Variants in SLC8A1 observed in about 807,000 individuals in gnomAD.
The protein encoded by SLC8A1 is sodium/calcium exchanger 1.
Under a neutral mutation model 68.3 loss-of-function variants are expected in SLC8A1, and 18 were observed. That is an observed-to-expected ratio of 0.26 (90% CI 0.18 to 0.39). SLC8A1 has a LOEUF of 0.39. SLC8A1 is among the 10% of genes least tolerant of loss of function. The pLI, the probability that SLC8A1 is intolerant of heterozygous loss-of-function variation, is 1.00. For synonymous variants in SLC8A1, 475 were observed against 415.5 expected (o/e 1.14, Z -1.74); for missense variants, 985 against 1,156.7 (o/e 0.85, Z 2.15).
At chr2:40,389,627 C>T (rs1002733064) in intron 2 of SLC8A1, among the ~76,000 whole-genome samples, 17 of 151,830 alleles carry the variant, frequency 1.1e-4, no homozygotes, top group Non-Finnish European at 1.5e-5. Flanking sequence ...CTGAATGAGC[C>T]ACGAAAATTA....
intron 7 of SLC8A1, among the ~76,000 whole-genome samples, chr2:40,130,757 AATTAAAT>A (rs2039157401): frequency 6.6e-6 from 1 of 152,208 alleles, no homozygotes; most frequent in Admixed American, 6.5e-5. Flanking sequence ...GTAGCCATCC[AATTAAAT>A]ATGTATGCAC....
chr2:40,143,105 A>G lies in SLC8A1; in HGVS notation c.2162-3429T>C, dbSNP rs1406608064. Among the ~76,000 whole-genome samples the G allele has an allele frequency of 2.0e-5, 3 of 152,150 alleles. No homozygotes were observed. The East Asian group carries it at 5.8e-4, about 29-fold the overall frequency. On this transcript the variant is annotated intron_variant, in intron 6 of 7. Transcript: ENST00000406785. ...ACATTTGAAAGGAAAGTGGCCTCCC[A>G]TCCTTTTCTCTGGGATCTCACTGCT...
chr2:40,383,926 C>A (rs1490710797), intron 2 of SLC8A1, among the ~76,000 whole-genome samples: 1 of 152,078 alleles, frequency 6.6e-6, no homozygotes, highest in East Asian at 1.9e-4. Context: ...GATCTGGTAA[C>A]AGGGCATCTG....
In SLC8A1 at chr2:40,272,924, C is replaced by A. The variant is rs141586534; in HGVS notation, c.1809-95069G>T. Among the ~76,000 whole-genome samples the A allele has an allele frequency of 3.2e-3, 486 of 152,178 alleles. 2 individuals carry two copies. The highest frequency in any genetic ancestry group is 0.011 in the African/African-American group (463 of 41,544). Reference sequence around the variant, plus strand: ...AGTTAGTTTGGGCTATATGTAGGGACATGCACACACTCCAAATATTCTTTT... The same window carrying A: ...AGTTAGTTTGGGCTATATGTAGGGAAATGCACACACTCCAAATATTCTTTT... On this transcript the variant is annotated intron_variant, in intron 2 of 7. Transcript: ENST00000406785.
chr2:40,256,414 C>A (rs550231524), intron 2 of SLC8A1, among the ~76,000 whole-genome samples: 16 of 152,114 alleles, frequency 1.1e-4, no homozygotes, highest in African/African-American at 3.6e-4. Context: ...TATACATATA[C>A]ACATATATGC....
chr2:40,423,298 T>G (rs1393829613), intron 2 of SLC8A1, among the ~76,000 whole-genome samples: 2 of 152,074 alleles, frequency 1.3e-5, no homozygotes, highest in African/African-American at 4.8e-5. Flanking sequence ...TGAAAATATT[T>G]TATCTAAAAT....
intron 2 of SLC8A1, among the ~76,000 whole-genome samples, chr2:40,343,261 A>C (rs1447625304): frequency 6.6e-6 from 1 of 152,178 alleles, no homozygotes; most frequent in East Asian, 1.9e-4. Context: ...TTATTTGGCC[A>C]TAGGATAACT....
At chr2:40,181,440 T>C (rs778911850) in intron 2 of SLC8A1, among the ~76,000 whole-genome samples, 1 of 152,036 alleles carries the variant, frequency 6.6e-6, no homozygotes, top group Non-Finnish European at 1.5e-5. Context: ...AAATCAAAGA[T>C]GAAGAAAAAG....
At chr2:40,115,287 G>C in exon 8 of SLC8A1, 1 of 1,613,348 alleles carries the variant, frequency 6.2e-7, no homozygotes, top group Non-Finnish European at 8.5e-7. Context: ...GGCCTCCAGG[G>C]AGGAGAAGAA....
chr2:40,152,412 T>A (rs1203920833), intron 6 of SLC8A1, among the ~76,000 whole-genome samples: 2 of 151,976 alleles, frequency 1.3e-5, no homozygotes, highest in African/African-American at 2.4e-5. Context: ...ACCTCTGCAG[T>A]TTTTTGTTTT....
intron 5 of SLC8A1, among the ~76,000 whole-genome samples, chr2:40,164,626 T>A (rs188881260): frequency 2.6e-5 from 4 of 152,300 alleles, no homozygotes; most frequent in Admixed American, 2.6e-4. Context: ...CAGTCATAGA[T>A]GTCTCCTGCT....
chr2:40,175,209 T>C, intron 3 of SLC8A1, 52 bp downstream of exon 4: 1 of 1,569,336 alleles, frequency 6.4e-7, no homozygotes, highest in Non-Finnish European at 8.8e-7. Flanking sequence ...CTGACGGAAA[T>C]GGAAAATAAT....
intron 3 of SLC8A1, among the ~76,000 whole-genome samples, chr2:40,176,701 A>T (rs1234367380): frequency 6.6e-6 from 1 of 152,182 alleles, no homozygotes; most frequent in African/African-American, 2.4e-5. Context: ...CTACATAGCA[A>T]TTAGTCCTAT....
intron 2 of SLC8A1, among the ~76,000 whole-genome samples, chr2:40,256,068 A>G (rs1364113180): frequency 2.6e-5 from 4 of 152,230 alleles, no homozygotes. Flanking sequence ...CCGAAGCCAC[A>G]GGATGGGTAA....
At chr2:40,503,125 T>A (rs1283788242) in intron 1 of SLC8A1, among the ~76,000 whole-genome samples, 1 of 152,042 alleles carries the variant, frequency 6.6e-6, no homozygotes, top group Non-Finnish European at 1.5e-5. Flanking sequence ...TCTGTAGGTA[T>A]GATATACCTC....
At chr2:40,427,444 A>G (rs1266121090) in intron 2 of SLC8A1, among the ~76,000 whole-genome samples, 1 of 152,028 alleles carries the variant, frequency 6.6e-6, no homozygotes, top group Admixed American at 6.6e-5. Flanking sequence ...AACCAACATA[A>G]TCATTCATTT....
chr2:40,401,243 C>A (rs1464078274), intron 2 of SLC8A1, among the ~76,000 whole-genome samples: 1 of 152,208 alleles, frequency 6.6e-6, no homozygotes, highest in Admixed American at 6.5e-5. Context: ...ACTTTCAGAA[C>A]CCTACACTTC....
intron 2 of SLC8A1, among the ~76,000 whole-genome samples, chr2:40,282,425 G>A (rs1377933483): frequency 1.3e-5 from 2 of 152,124 alleles, no homozygotes; most frequent in East Asian, 3.9e-4. Context: ...AAGACATTGA[G>A]CATCCATCTT....
chr2:40,328,891 G>A lies in SLC8A1; in HGVS notation c.1808+99582C>T, dbSNP rs955190438. ...CAATCTGTGGTCTACACCATTACCA[G>A]TTGCCTTTTAAGAGCACAGAGTAGA... On this transcript the variant is annotated intron_variant, in intron 2 of 7. Transcript: ENST00000406785. 2.0e-5 allele frequency among the ~76,000 whole-genome samples: 3 copies of A among 152,042 alleles called. No homozygotes were observed. The East Asian group carries it at 5.8e-4, about 29-fold the overall frequency.
Sources: allele counts gnomAD v4.1 joint callset (sites outside exome capture counted in the v4.1 genomes callset), GRCh38; gene constraint gnomAD v4.1.1; transcripts MANE v1.5; gene names NCBI Gene and HGNC (gene_info 2026-07-23, HGNC 2026-07-21).